The following CNTN4 variants were observed in gnomAD, a reference collection of about 807,000 sequenced individuals.
The protein encoded by CNTN4 is contactin 4.
In CNTN4, 77 loss-of-function variants were observed where a neutral mutation model predicts 122.5. The observed-to-expected ratio is 0.63, with a 90% CI of 0.52 to 0.76. CNTN4 has a LOEUF of 0.76. Ranked by LOEUF, CNTN4 falls within the 30% of genes least tolerant of loss-of-function variation. CNTN4 has a pLI of 0.00. For synonymous variants in CNTN4, 512 were observed against 447.0 expected (o/e 1.15, Z -1.83); for missense variants, 1,256 against 1,259.1 (o/e 1.00, Z 0.04).
chr3:2,830,926 G>A (rs1559553372), intron 7 of CNTN4, among the ~76,000 whole-genome samples: 1 of 152,282 alleles, frequency 6.6e-6, no homozygotes, highest in East Asian at 1.9e-4. Flanking sequence ...CTGGAAATTT[G>A]GAAATAGACT....
chr3:2,700,177 G>A (rs780860573), intron 4 of CNTN4, among the ~76,000 whole-genome samples: 4 of 152,238 alleles, frequency 2.6e-5, no homozygotes, highest in East Asian at 1.9e-4. Flanking sequence ...GAAATCCTTC[G>A]CAGATACAAA....
At chr3:2,301,036 G>T (rs1210116075) in intron 2 of CNTN4, among the ~76,000 whole-genome samples, 2 of 152,030 alleles carry the variant, frequency 1.3e-5, no homozygotes, top group Non-Finnish European at 1.5e-5. Context: ...TTTAAATCCG[G>T]ATTTGTATTA....
chr3:2,525,140 C>G (rs999119563), intron 3 of CNTN4, among the ~76,000 whole-genome samples: 14 of 152,096 alleles, frequency 9.2e-5, no homozygotes, highest in African/African-American at 3.4e-4. Context: ...ATTTAATGCA[C>G]TGGAGATAGC....
At chr3:2,203,236 C>A (rs546215792) in intron 2 of CNTN4, among the ~76,000 whole-genome samples, 109 of 152,206 alleles carry the variant, frequency 7.2e-4, no homozygotes, top group Middle Eastern at 6.8e-3. Context: ...AAAATGAAAG[C>A]ATTAGGACTA....
intron 7 of CNTN4, among the ~76,000 whole-genome samples, chr3:2,824,581 G>A (rs189641784): frequency 2.0e-5 from 3 of 152,360 alleles, no homozygotes; most frequent in Admixed American, 2.0e-4. Context: ...GCCCTGCTGA[G>A]ATGGAGTGCT....
chr3:2,345,107 G>A (rs1389367339), intron 3 of CNTN4, among the ~76,000 whole-genome samples: 1 of 152,210 alleles, frequency 6.6e-6, no homozygotes, highest in African/African-American at 2.4e-5. Context: ...CATGCTGTAA[G>A]TGAGATGTTA....
intron 3 of CNTN4, among the ~76,000 whole-genome samples, chr3:2,517,856 A>G (rs185136878): frequency 9.8e-5 from 15 of 152,296 alleles, no homozygotes; most frequent in South Asian, 4.1e-4. Flanking sequence ...CATGTGTTCA[A>G]ACATGGTCTC....
chr3:2,110,246 G>A (rs556033665), intron 2 of CNTN4, among the ~76,000 whole-genome samples: 10 of 152,318 alleles, frequency 6.6e-5, no homozygotes, highest in African/African-American at 2.4e-4. Flanking sequence ...TCCCAAGGCA[G>A]TTTTTAAAAT....
At chr3:2,761,282 C>G (rs1312499344) in intron 6 of CNTN4, among the ~76,000 whole-genome samples, 1 of 152,148 alleles carries the variant, frequency 6.6e-6, no homozygotes, top group Admixed American at 6.5e-5. Flanking sequence ...TTATCTAGGA[C>G]CACAGAAAGG....
intron 2 of CNTN4, among the ~76,000 whole-genome samples, chr3:2,103,725 TA>T (rs200661681): frequency 0.026 from 1,490 of 56,370 alleles, 35 homozygotes; most frequent in African/African-American, 0.097. Context: ...TTTATTTATC[TA>T]TTTATTTATC....
At chr3:2,340,710 T>TATATATATATATATATATATATATAGAG in intron 3 of CNTN4, among the ~76,000 whole-genome samples, 2 of 18,292 alleles carry the variant, frequency 1.1e-4, no homozygotes, top group Non-Finnish European at 1.6e-4. Context: ...TATATATATA[T>TATATATATATATATATATATATATAGAG]AGAGAGAGAG....
intron 4 of CNTN4, among the ~76,000 whole-genome samples, chr3:2,680,791 T>C (rs981504866): frequency 6.6e-6 from 1 of 152,196 alleles, no homozygotes; most frequent in Non-Finnish European, 1.5e-5. Flanking sequence ...ATACCAGTTT[T>C]ATACATGTAA....
intron 10 of CNTN4, among the ~76,000 whole-genome samples, chr3:2,887,695 C>A (rs2093994452): frequency 6.6e-6 from 1 of 152,042 alleles, no homozygotes; most frequent in Admixed American, 6.6e-5. Flanking sequence ...TGCACACTGT[C>A]CAAATTTAGT....
In CNTN4 at chr3:2,214,040, T is replaced by G. The variant is rs1375675249; in HGVS notation, c.-145+113401T>G. Among the ~76,000 whole-genome samples, 2 of 152,190 alleles carry G rather than the reference T, an allele frequency of 1.3e-5. 1 individual carries two copies. Among genetic ancestry groups the G allele is most frequent in the Non-Finnish European group, 2.9e-5 (2 of 68,032 alleles). On this transcript the variant is annotated intron_variant, in intron 2 of 24. Transcript: ENST00000418658. Reference sequence around the variant, plus strand: ...GTATTATGTTTGTTTCATTCTAATTTCATGGTGATAAATTCTGTACTTTTC... The same window carrying G: ...GTATTATGTTTGTTTCATTCTAATTGCATGGTGATAAATTCTGTACTTTTC...
chr3:2,793,645 T>C (rs1040293565), intron 6 of CNTN4, among the ~76,000 whole-genome samples: 1 of 152,148 alleles, frequency 6.6e-6, no homozygotes, highest in Non-Finnish European at 1.5e-5. Context: ...TTTCGAAAAA[T>C]GATTTGTTTC....
chr3:2,369,899 T>C (rs1487173703), intron 3 of CNTN4, among the ~76,000 whole-genome samples: 1 of 152,138 alleles, frequency 6.6e-6, no homozygotes, highest in East Asian at 1.9e-4. Context: ...TACTTCCCTC[T>C]TGAGAATGTC....
chr3:2,165,584 A>C (rs2036160368), intron 2 of CNTN4, among the ~76,000 whole-genome samples: 1 of 152,144 alleles, frequency 6.6e-6, no homozygotes, highest in Non-Finnish European at 1.5e-5. Flanking sequence ...ATACATTATT[A>C]CTAACTATAT....
At chr3:2,984,475 T>TC (rs1001420361) in intron 13 of CNTN4, among the ~76,000 whole-genome samples, 3 of 151,960 alleles carry the variant, frequency 2.0e-5, no homozygotes, top group Admixed American at 6.6e-5. Flanking sequence ...GTGCCCATTA[T>TC]CCCCCCCAGG....
At chr3:2,501,899 C>CCTTTG (rs2076604624) in intron 3 of CNTN4, among the ~76,000 whole-genome samples, 1 of 152,148 alleles carries the variant, frequency 6.6e-6, no homozygotes, top group South Asian at 2.1e-4. Flanking sequence ...GATCCTGACA[C>CCTTTG]CTTTGCTTTC....
Sources: allele counts gnomAD v4.1 joint callset (sites outside exome capture counted in the v4.1 genomes callset), GRCh38; gene constraint gnomAD v4.1.1; transcripts MANE v1.5; gene names NCBI Gene and HGNC (gene_info 2026-07-23, HGNC 2026-07-21).